NMT1: variants seen among roughly 807,000 people sequenced by gnomAD.
The protein encoded by NMT1 is N-myristoyltransferase 1.
A neutral mutation model predicts 63.4 loss-of-function variants in NMT1; 12 were observed. The observed-to-expected ratio is 0.19, with a 90% CI of 0.12 to 0.31. NMT1 has a LOEUF of 0.31. NMT1 is among the 10% of genes least tolerant of loss of function. The pLI is 1.00. For synonymous variants in NMT1, 228 were observed against 234.3 expected, an observed-to-expected ratio of 0.97 and a Z score of 0.25; for missense variants, 432 against 634.6, an observed-to-expected ratio of 0.68 and a Z score of 3.43.
chr17:45,068,938 C>G (rs2053921339), intron 1 of NMT1, among the ~76,000 whole-genome samples: 1 of 150,900 alleles, frequency 6.6e-6, no homozygotes, highest in South Asian at 2.1e-4. Flanking sequence ...GCGTGAGCCA[C>G]CATGCCTGGA....
chr17:45,100,084 A>G (rs1000165309), intron 8 of NMT1, among the ~76,000 whole-genome samples: 1 of 152,004 alleles, frequency 6.6e-6, no homozygotes, highest in African/African-American at 2.4e-5. Context: ...GGCTTCAGGT[A>G]GGGATTCTTT....
intron 1 of NMT1, among the ~76,000 whole-genome samples, chr17:45,072,251 T>A (rs1160438021): frequency 6.8e-6 from 1 of 146,428 alleles, no homozygotes; most frequent in African/African-American, 2.5e-5. Flanking sequence ...GAAACTGTCT[T>A]TACAAAAAAA....
At chr17:45,078,725 G>A (rs549966220) in intron 1 of NMT1, among the ~76,000 whole-genome samples, 100 of 151,970 alleles carry the variant, frequency 6.6e-4, no homozygotes, top group African/African-American at 2.1e-3. Context: ...ATAGTTGTGC[G>A]ATTTTAGCTC....
rs1598011612 is a variant in NMT1, at chr17:45,086,400, C to T, written c.241-108C>T. 9 of 1,184,852 alleles carry T rather than the reference C, an allele frequency of 7.6e-6. No homozygotes were observed. In the East Asian group the frequency reaches 2.5e-4, roughly 33 times the overall value. The allele number at this position is 1,184,852 out of a possible 1,614,324, so 73.4% of individuals were successfully genotyped here. On this transcript the variant is annotated intron_variant, in intron 2 of 11. Transcript: ENST00000258960. ...TTGGCCTCCCAAAATGTTGGGATTACAGGCATGAGCCACTGCACCCAGCTC... is the reference window on the plus strand; with the variant it reads ...TTGGCCTCCCAAAATGTTGGGATTATAGGCATGAGCCACTGCACCCAGCTC...
At chr17:45,099,642 T>A (rs2054148631) in intron 8 of NMT1, 129 bp downstream of exon 8, 4 of 651,368 alleles carry the variant, frequency 6.1e-6, no homozygotes, top group Non-Finnish European at 8.3e-6. Context: ...CAGCCCATAG[T>A]CTTCAGATTT....
intron 3 of NMT1, among the ~76,000 whole-genome samples, chr17:45,092,123 G>A (rs896898264): frequency 6.6e-5 from 10 of 152,202 alleles, no homozygotes; most frequent in African/African-American, 2.2e-4. Context: ...CTTCCCTGTT[G>A]TGTGTCCCTG....
At chr17:45,075,562 A>G (rs1385458148) in intron 1 of NMT1, among the ~76,000 whole-genome samples, 1 of 149,340 alleles carries the variant, frequency 6.7e-6, no homozygotes, top group Non-Finnish European at 1.5e-5. Context: ...CTGGCAGATC[A>G]TGAGGTCAGG....
chr17:45,098,995 T>A (rs933005060), intron 7 of NMT1, among the ~76,000 whole-genome samples: 1 of 152,180 alleles, frequency 6.6e-6, no homozygotes, highest in African/African-American at 2.4e-5. Flanking sequence ...TTAAAACAAT[T>A]GAATAATCTC....
At chr17:45,069,401 C>T (rs1192881708) in intron 1 of NMT1, among the ~76,000 whole-genome samples, 2 of 151,950 alleles carry the variant, frequency 1.3e-5, no homozygotes, top group African/African-American at 4.8e-5. Flanking sequence ...CAGTGATTCT[C>T]CTGCCTCAGC....
intron 1 of NMT1, among the ~76,000 whole-genome samples, chr17:45,080,827 C>T (rs1487596998): frequency 3.3e-5 from 5 of 151,640 alleles, no homozygotes; most frequent in Admixed American, 2.0e-4. Context: ...AGTGCAATGA[C>T]GTGATCTCAA....
intron 8 of NMT1, among the ~76,000 whole-genome samples, chr17:45,102,448 C>G (rs60913586): frequency 6.6e-6 from 1 of 152,192 alleles, no homozygotes; most frequent in African/African-American, 2.4e-5. Context: ...CTGGGAAGTA[C>G]TGGTGTAATA....
At chr17:45,063,507 C>CTTTTTTTTTTTTTTT (rs1555604063) in intron 1 of NMT1, among the ~76,000 whole-genome samples, 4 of 151,422 alleles carry the variant, frequency 2.6e-5, no homozygotes, top group Non-Finnish European at 5.9e-5. Flanking sequence ...TTTGTAGTTG[C>CTTTTTTTTTTTTTTT]TTTTATTTTT....
rs376218058 is a variant in NMT1 at position 45,098,539 on chromosome 17, G to A, written c.871G>A (p.Val291Ile). 2.2e-5 allele frequency: 35 copies of A among 1,613,800 alleles called. No homozygotes were observed. Among genetic ancestry groups the A allele is most frequent in the Middle Eastern group, 1.7e-4 (1 of 6,008 alleles). ...YTAGVVLPKP[V>I]GTCRYWHRSL... is the part of the protein sequence containing the mutation. ...TGCCGGGGTGGTACTACCAAAGCCCGTTGGCACCTGCAGGTAAAACTGTCT... is the reference window on the plus strand; with the variant it reads ...TGCCGGGGTGGTACTACCAAAGCCCATTGGCACCTGCAGGTAAAACTGTCT... The change falls in exon 7 of 12, where the codon GTT becomes ATT. Residue 291 changes from valine to isoleucine, a missense_variant. Physicochemically the swap from Val to Ile is conservative, Grantham distance 29. Coordinates refer to ENST00000258960, the MANE Select transcript of NMT1 (RefSeq NM_021079.5).
At position 45,091,187 on chromosome 17, in the gene NMT1, GACACACACACACACACAC is replaced by G. The variant is rs3062356; in HGVS notation, c.386-2465_386-2448del. ...ATATTTCCTCTGAGAGGTCTTTCCT[GACACACACACACACACAC>G]ACACACACACACACACACACACACA... On this transcript the variant is annotated intron_variant, in intron 3 of 11. Transcript: ENST00000258960. 6.4e-3 allele frequency among the ~76,000 whole-genome samples: 775 copies of G among 121,058 alleles called. 6 individuals are homozygous for G. Among genetic ancestry groups the G allele is most frequent in the African/African-American group, 0.021 (702 of 32,824 alleles). 79.4% of individuals were successfully genotyped at this position (121,058 alleles called of 152,430 possible).
chr17:45,081,639 T>TA lies in NMT1; in HGVS notation c.132-4dup. On this transcript the variant is annotated splice_region_variant and splice_polypyrimidine_tract_variant and intron_variant, in intron 1 of 11. Coordinates refer to ENST00000258960, the MANE Select transcript of NMT1 (RefSeq NM_021079.5). ...CCCTGCATTAGTATTTACTTTTTGT[T>TA]ACAGTGGTTTGAGTCCAGCCAATGA... The TA allele has an allele frequency of 6.2e-7, 1 of 1,607,490 alleles. No homozygotes were observed. Among genetic ancestry groups the TA allele is most frequent in the Non-Finnish European group, 8.5e-7 (1 of 1,177,992 alleles).
chr17:45,104,403 C>T lies in NMT1; in HGVS notation c.1333-456C>T. The T allele has an allele frequency of 8.9e-7, 1 of 1,120,186 alleles. No homozygotes were observed. 69.4% of individuals were successfully genotyped at this position (1,120,186 alleles called of 1,614,324 possible). A position where few individuals can be genotyped will look rare whatever the true frequency, so the allele number is the denominator to read the frequency against. On this transcript the variant is annotated intron_variant, in intron 10 of 11. Coordinates refer to ENST00000258960, the MANE Select transcript of NMT1 (RefSeq NM_021079.5). This position sits in a 1 kb window ranked among gnomAD's most constrained non-coding sequence, Gnocchi z 4.2. ...GGTTTAGGAAGCATCTTCACAGTCT[C>T]CAAGCAACACAGCAGGTGTCATACA...
chr17:45,078,810 G>A (rs1361264439), intron 1 of NMT1, among the ~76,000 whole-genome samples: 1 of 151,792 alleles, frequency 6.6e-6, no homozygotes, highest in African/African-American at 2.4e-5. Context: ...CTACAAGTGT[G>A]CACCACCACA....
intron 4 of NMT1, among the ~76,000 whole-genome samples, chr17:45,095,123 T>A (rs1234111714): frequency 7.9e-6 from 1 of 126,600 alleles, no homozygotes. Context: ...TTTTTTTTTT[T>A]TGAGATGGAG....
At chr17:45,098,231 G>GT (rs1190853595) in intron 6 of NMT1, 151 bp from the exon 7 acceptor site, 9 of 672,692 alleles carry the variant, frequency 1.3e-5, no homozygotes, top group Non-Finnish European at 2.3e-5. Flanking sequence ...GTGGAGTGTG[G>GT]TGGGGAGTCC....
Sources: gnomAD v4.1 joint callset for allele counts (sites outside exome capture counted in the v4.1 genomes callset) on GRCh38, gnomAD v4.1.1 for gene constraint, Gnocchi (gnomAD v3.1) non-coding constraint, MANE v1.5 for transcripts, NCBI Gene and HGNC (gene_info 2026-07-23, HGNC 2026-07-21) for gene names.